The following RBMS1 variants were observed in gnomAD, a reference collection of about 807,000 sequenced individuals.
RBMS1 encodes the protein RNA-binding motif, single-stranded-interacting protein 1.
Under a neutral mutation model 62.3 loss-of-function variants are expected in RBMS1, and 17 were observed. The ratio of observed to expected loss-of-function variants is 0.27; its 90% CI spans 0.19 to 0.41. RBMS1 has a LOEUF of 0.41. RBMS1 is among the 10% of genes least tolerant of loss of function. The probability of loss-of-function intolerance (pLI) is 1.00; values close to 1 mark genes in which losing one functional copy is unlikely to be tolerated. For missense variants in RBMS1, 334 were observed against 504.5 expected (o/e 0.66, Z 3.24); for synonymous variants, 172 against 170.0 (o/e 1.01, Z -0.09).
intron 1 of RBMS1, among the ~76,000 whole-genome samples, chr2:160,407,009 C>CACAGACACACACAGAGACACAG (rs1286802718): frequency 6.6e-6 from 1 of 150,698 alleles, no homozygotes; most frequent in Non-Finnish European, 1.5e-5. Context: ...CGCGCGAACA[C>CACAGACACACACAGAGACACAG]ACAGACACAC....
chr2:160,414,405 A>G (rs1283700386), intron 1 of RBMS1, among the ~76,000 whole-genome samples: 2 of 152,088 alleles, frequency 1.3e-5, no homozygotes, highest in Admixed American at 1.3e-4. Flanking sequence ...GATGGTGGTT[A>G]GGTGAAAGTT....
At position 160,272,282 on chromosome 2, in the gene RBMS1, G is replaced by C. The variant is rs1198610999; in HGVS notation, c.*2490C>G. On this transcript the variant is annotated 3_prime_UTR_variant, in exon 14 of 14. Coordinates refer to ENST00000348849, the MANE Select transcript of RBMS1 (RefSeq NM_016836.4). ...ACAAGTCCTAGGAAAGAAAACTACAGAGTTATCTTGAACCGGACAAATAAG... is the reference window on the plus strand; with the variant it reads ...ACAAGTCCTAGGAAAGAAAACTACACAGTTATCTTGAACCGGACAAATAAG... 6.6e-6 allele frequency: 1 copy of C among 152,150 alleles called. No homozygotes were observed. Among genetic ancestry groups the C allele is most frequent in the Non-Finnish European group, 1.5e-5 (1 of 68,016 alleles). The allele number at this position is 152,150 out of a possible 1,614,324, so 9.4% of individuals were successfully genotyped here. A position where few individuals can be genotyped will look rare whatever the true frequency, so the allele number is the denominator to read the frequency against.
At chr2:160,311,609 TGAA>T (rs1218361811) in intron 4 of RBMS1, among the ~76,000 whole-genome samples, 1 of 151,798 alleles carries the variant, frequency 6.6e-6, no homozygotes, top group African/African-American at 2.4e-5. Flanking sequence ...CCTCTTTACT[TGAA>T]GAAGCCAGAT....
At chr2:160,387,532 G>C (rs1694647068) in intron 1 of RBMS1, among the ~76,000 whole-genome samples, 1 of 152,096 alleles carries the variant, frequency 6.6e-6, no homozygotes, top group Non-Finnish European at 1.5e-5. Flanking sequence ...GGGGAGGAAG[G>C]GGTTTCTGCA....
chr2:160,408,002 C>G, intron 1 of RBMS1: 1 of 843,028 alleles, frequency 1.2e-6, no homozygotes, highest in Non-Finnish European at 1.4e-6. Context: ...GGCGCGGCGC[C>G]TGCCGCCCCA....
intron 1 of RBMS1, among the ~76,000 whole-genome samples, chr2:160,397,854 T>C (rs1695228278): frequency 6.6e-6 from 1 of 152,222 alleles, no homozygotes; most frequent in Admixed American, 6.5e-5. Context: ...CTCCTTGGCT[T>C]CTGTGACACT....
intron 6 of RBMS1, among the ~76,000 whole-genome samples, chr2:160,295,072 A>G (rs1309875513): frequency 6.6e-6 from 1 of 152,176 alleles, no homozygotes; most frequent in Admixed American, 6.5e-5. Context: ...ACTCTTTCAC[A>G]TTCTTTGTGG....
chr2:160,276,682 T>C (rs1687850581), intron 12 of RBMS1: 1 of 152,246 alleles, frequency 6.6e-6, no homozygotes, highest in African/African-American at 2.4e-5. Context: ...TTCATCCCTG[T>C]AGCAGTTTCA....
At chr2:160,489,481 A>T (rs547910513) in intron 1 of RBMS1, among the ~76,000 whole-genome samples, 1 of 152,220 alleles carries the variant, frequency 6.6e-6, no homozygotes, top group Non-Finnish European at 1.5e-5. Flanking sequence ...CTGGAGAAAC[A>T]GATTGATACA....
intron 2 of RBMS1, among the ~76,000 whole-genome samples, chr2:160,354,032 T>C (rs1414778800): frequency 6.6e-6 from 1 of 152,100 alleles, no homozygotes; most frequent in African/African-American, 2.4e-5. Flanking sequence ...TCTGAGCCTG[T>C]GCTCTTTAGT....
intron 6 of RBMS1, among the ~76,000 whole-genome samples, chr2:160,295,130 G>C (rs1267507314): frequency 6.6e-6 from 1 of 152,086 alleles, no homozygotes; most frequent in Non-Finnish European, 1.5e-5. Context: ...TGAATTCACT[G>C]TGCCAGTGTG....
intron 10 of RBMS1, among the ~76,000 whole-genome samples, chr2:160,280,044 C>T (rs895569984): frequency 1.3e-5 from 2 of 152,048 alleles, no homozygotes; most frequent in African/African-American, 2.4e-5. Flanking sequence ...AGTGGTAACA[C>T]GGAAATGACT....
intron 1 of RBMS1, among the ~76,000 whole-genome samples, chr2:160,390,885 A>C (rs991031040): frequency 8.7e-5 from 7 of 80,718 alleles, no homozygotes; most frequent in Admixed American, 1.6e-4. Flanking sequence ...AGTTAAAAAC[A>C]ACCACCAAAA....
intron 1 of RBMS1, among the ~76,000 whole-genome samples, chr2:160,479,564 G>A (rs923602991): frequency 2.6e-5 from 4 of 152,120 alleles, no homozygotes; most frequent in Non-Finnish European, 5.9e-5. Context: ...GCTCCTGTGT[G>A]GTCTCTCTTC....
chr2:160,372,955 C>T (rs72974967), intron 1 of RBMS1, among the ~76,000 whole-genome samples: 354 of 152,066 alleles, frequency 2.3e-3, no homozygotes, highest in Non-Finnish European at 3.9e-3. Flanking sequence ...CTTATACATA[C>T]CATGGAGTTA....
Position 160,320,265 on chromosome 2 carries a change from C to T in RBMS1, c.252-2038G>A, listed in dbSNP as rs571243043. 8.0e-3 allele frequency among the ~76,000 whole-genome samples: 1,212 copies of T among 152,238 alleles called. 13 individuals are homozygous for T. Among genetic ancestry groups the T allele is most frequent in the African/African-American group, 0.026 (1,097 of 41,552 alleles). ...GGCGGATGGCTTGAGCCCTAGAGTT[C>T]GAGACCAGGCTGGGCAACACGGCAA... On this transcript the variant is annotated intron_variant, in intron 2 of 13. Coordinates refer to ENST00000348849, the MANE Select transcript of RBMS1 (RefSeq NM_016836.4).
At chr2:160,399,871 A>C (rs755854860) in intron 1 of RBMS1, among the ~76,000 whole-genome samples, 2 of 152,256 alleles carry the variant, frequency 1.3e-5, no homozygotes, top group African/African-American at 4.8e-5. Context: ...TAAGAATCTA[A>C]GACAATTCAA....
At chr2:160,477,974 G>A (rs1318025622) in intron 1 of RBMS1, among the ~76,000 whole-genome samples, 3 of 152,218 alleles carry the variant, frequency 2.0e-5, no homozygotes, top group East Asian at 3.8e-4. Context: ...ATCAAAAAAT[G>A]TTTTGGCTCA....
chr2:160,446,119 T>C (rs937645742), intron 1 of RBMS1, among the ~76,000 whole-genome samples: 2 of 152,220 alleles, frequency 1.3e-5, no homozygotes, highest in African/African-American at 4.8e-5. Flanking sequence ...TTCCCTCACA[T>C]TGAAATCAGA....
Sources: gnomAD v4.1 joint callset for allele counts (sites outside exome capture counted in the v4.1 genomes callset) on GRCh38, gnomAD v4.1.1 for gene constraint, MANE v1.5 for transcripts, NCBI Gene and HGNC (gene_info 2026-07-23, HGNC 2026-07-21) for gene names.